Variants in RHPN2 observed in about 807,000 individuals in gnomAD.
RHPN2 encodes rhophilin-2.
Under a neutral mutation model 79.0 loss-of-function variants are expected in RHPN2, and 40 were observed. That is an observed-to-expected ratio of 0.51 (90% CI 0.39 to 0.66). The LOEUF (loss-of-function observed/expected upper bound fraction) is 0.66, where lower values mean the gene tolerates loss of function less well. Ranked by LOEUF, RHPN2 falls within the 30% of genes least tolerant of loss-of-function variation. The pLI, the probability that RHPN2 is intolerant of heterozygous loss-of-function variation, is 0.00. For synonymous variants in RHPN2, 285 were observed against 363.5 expected, an observed-to-expected ratio of 0.78 and a Z score of 2.46; for missense variants, 686 against 883.5, an observed-to-expected ratio of 0.78 and a Z score of 2.83.
rs1326968667 is a variant in RHPN2, at chr19:33,058,295, C to G, written c.69+6489G>C. 2.0e-5 allele frequency among the ~76,000 whole-genome samples: 3 copies of G among 152,338 alleles called. No homozygotes were observed. In the East Asian group the frequency reaches 5.8e-4, roughly 29 times the overall value. Reference sequence around the variant, plus strand: ...GGAACTGCTGCCAAAGAAACTGTATCGAGTCAGGGTCTGGAATGCCCCAGA... The same window carrying G: ...GGAACTGCTGCCAAAGAAACTGTATGGAGTCAGGGTCTGGAATGCCCCAGA... On this transcript the variant is annotated intron_variant, in intron 1 of 14. Transcript: ENST00000254260.
intron 2 of RHPN2, among the ~76,000 whole-genome samples, chr19:33,043,672 G>A (rs1972118829): frequency 2.0e-5 from 3 of 152,264 alleles, no homozygotes; most frequent in South Asian, 2.1e-4. Context: ...GTTGCATTTC[G>A]TTGCCTGGAG....
chr19:33,035,808 A>C (rs534401387), intron 2 of RHPN2, among the ~76,000 whole-genome samples: 32 of 152,132 alleles, frequency 2.1e-4, no homozygotes, highest in Non-Finnish European at 4.1e-4. Context: ...GGCATTCCTC[A>C]ATTTTGCTTT....
intron 14 of RHPN2, among the ~76,000 whole-genome samples, chr19:32,986,303 T>C (rs191720678): frequency 2.0e-3 from 302 of 152,352 alleles, no homozygotes; most frequent in African/African-American, 7.0e-3. Context: ...AGGCCTCTGC[T>C]GATGGGGTCC....
chr19:32,998,754 G>A (rs1300777963), intron 10 of RHPN2, among the ~76,000 whole-genome samples: 1 of 145,724 alleles, frequency 6.9e-6, no homozygotes, highest in African/African-American at 2.6e-5. Flanking sequence ...GAGAGGAAAG[G>A]GAGAGAAAAG....
At chr19:33,059,543 G>T (rs908907012) in intron 1 of RHPN2, among the ~76,000 whole-genome samples, 1 of 151,890 alleles carries the variant, frequency 6.6e-6, no homozygotes. Flanking sequence ...CAGGTGATCC[G>T]CCTGCCTCGG....
At chr19:33,024,424 C>T (rs1247829259) in intron 3 of RHPN2, among the ~76,000 whole-genome samples, 2 of 152,124 alleles carry the variant, frequency 1.3e-5, no homozygotes, top group Non-Finnish European at 2.9e-5. Context: ...CAGAGAGAGA[C>T]TCCATCTCAA....
intron 14 of RHPN2, among the ~76,000 whole-genome samples, chr19:32,983,053 T>G (rs1174544223): frequency 1.5e-5 from 1 of 66,042 alleles, no homozygotes; most frequent in South Asian, 5.6e-4. Context: ...CTCCCAGATC[T>G]CTACACACAC....
intron 2 of RHPN2, among the ~76,000 whole-genome samples, chr19:33,032,019 T>C (rs1157738733): frequency 8.8e-6 from 1 of 113,642 alleles, no homozygotes; most frequent in Non-Finnish European, 1.7e-5. Flanking sequence ...GGCCGGTCTT[T>C]TTTTTTTTTT....
At chr19:33,045,881 C>T (rs1023589594) in intron 1 of RHPN2, among the ~76,000 whole-genome samples, 1 of 152,224 alleles carries the variant, frequency 6.6e-6, no homozygotes, top group African/African-American at 2.4e-5. Flanking sequence ...TAGGCAACCA[C>T]CAATCTACTT....
At chr19:33,059,642 C>T (rs571029645) in intron 1 of RHPN2, among the ~76,000 whole-genome samples, 2 of 152,192 alleles carry the variant, frequency 1.3e-5, no homozygotes, top group African/African-American at 4.8e-5. Context: ...CATTCTAAAA[C>T]AAAGCTGCCT....
rs948293479 is a variant in RHPN2 at position 32,996,416 on chromosome 19, G to T, written c.1226-196C>A. On this transcript the variant is annotated intron_variant, in intron 10 of 14. Coordinates refer to ENST00000254260, the MANE Select transcript of RHPN2 (RefSeq NM_033103.5). ...AGAGAGCCGGACAGACTCCATTTTA[G>T]TTTCTTCACTTGCAGCCCCCACTTA... 4.7e-6 allele frequency: 3 copies of T among 639,160 alleles called. No homozygotes were observed. In the African/African-American group the frequency reaches 5.4e-5, roughly 12 times the overall value. 39.6% of individuals were successfully genotyped at this position (639,160 alleles called of 1,614,324 possible). A position where few individuals can be genotyped will look rare whatever the true frequency, so the allele number is the denominator to read the frequency against.
intron 7 of RHPN2, among the ~76,000 whole-genome samples, chr19:33,007,435 C>T (rs1305376183): frequency 4.0e-5 from 6 of 150,582 alleles, no homozygotes; most frequent in East Asian, 2.0e-4. Context: ...TGCAGTGAGC[C>T]GAGACCATGC....
intron 11 of RHPN2, among the ~76,000 whole-genome samples, chr19:32,995,528 A>G (rs1407398145): frequency 1.3e-5 from 2 of 152,096 alleles, no homozygotes; most frequent in East Asian, 3.9e-4. Flanking sequence ...AAAGGATCCC[A>G]GGGCAGGCTG....
intron 2 of RHPN2, among the ~76,000 whole-genome samples, chr19:33,036,585 T>G (rs902088400): frequency 6.6e-6 from 1 of 152,166 alleles, no homozygotes; most frequent in Non-Finnish European, 1.5e-5. Flanking sequence ...GGAGCCCCTT[T>G]CTGGGCTGGC....
chr19:33,008,126 C>G lies in RHPN2; in HGVS notation c.648G>C (p.Lys216Asn), dbSNP rs762931353. ...PVSQQNLLLE[K>N]ASVLFNTGAL... The stretch of plus-strand genomic sequence containing the variant: ...CCCCAGTGTTGAACAGGACACTGGC[C>G]TTCTCCAGCAGCAGGTTCTGCTGGC... Residue 216 changes from lysine to asparagine, a missense_variant, in exon 7 of 15, where the codon AAG becomes AAC. Physicochemically the swap from Lys to Asn is moderately conservative, Grantham distance 94. Coordinates refer to ENST00000254260, the MANE Select transcript of RHPN2 (RefSeq NM_033103.5). The G allele has an allele frequency of 8.1e-6, 13 of 1,613,996 alleles. No homozygotes were observed. The highest frequency in any genetic ancestry group is 9.3e-6 in the Non-Finnish European group (11 of 1,180,016).
chr19:33,032,712 C>T lies in RHPN2; in HGVS notation c.186-6080G>A, dbSNP rs368200186. Among the ~76,000 whole-genome samples the T allele has an allele frequency of 4.6e-5, 7 of 152,274 alleles. No homozygotes were observed. The East Asian group carries it at 1.3e-3, about 29-fold the overall frequency. ...ATTGAGAAAACGACTGATCCTGTAGCTGATAATGTTCACAAGGATTGGGGT... is the reference window on the plus strand; with the variant it reads ...ATTGAGAAAACGACTGATCCTGTAGTTGATAATGTTCACAAGGATTGGGGT... On this transcript the variant is annotated intron_variant, in intron 2 of 14. Coordinates refer to ENST00000254260, the MANE Select transcript of RHPN2 (RefSeq NM_033103.5).
chr19:33,020,761 A>G (rs896148976), intron 4 of RHPN2, among the ~76,000 whole-genome samples: 2 of 152,126 alleles, frequency 1.3e-5, no homozygotes, highest in Non-Finnish European at 2.9e-5. Flanking sequence ...TCAGCCTCCC[A>G]AAGTGCTGGG....
intron 13 of RHPN2, 139 bp from the exon 14 acceptor site, chr19:32,990,808 T>A (rs1263185955): frequency 2.4e-6 from 2 of 822,082 alleles, no homozygotes; most frequent in African/African-American, 1.7e-5. Context: ...GACGGGTAGA[T>A]CACTTGAGGT....
chr19:33,004,949 C>T (rs1971778347), intron 7 of RHPN2, among the ~76,000 whole-genome samples: 2 of 151,716 alleles, frequency 1.3e-5, no homozygotes, highest in South Asian at 4.2e-4. Context: ...AGTAAAGAAA[C>T]CAGCCTGCTC....
Sources: allele counts gnomAD v4.1 joint callset (sites outside exome capture counted in the v4.1 genomes callset), GRCh38; gene constraint gnomAD v4.1.1; transcripts MANE v1.5; gene names NCBI Gene and HGNC (gene_info 2026-07-23, HGNC 2026-07-21).